Variants in FAM107A observed in about 807,000 individuals in gnomAD.
FAM107A encodes the protein actin-associated protein FAM107A.
FAM107A carries 19 observed loss-of-function variants against 13.7 expected under a neutral mutation model. That is an observed-to-expected ratio of 1.38 (90% CI 0.97 to 2.03). The LOEUF is 2.03. FAM107A is among the 30% of genes most tolerant of loss of function. FAM107A has a pLI of 0.00. For missense variants in FAM107A, 203 were observed against 184.4 expected (o/e 1.10, Z -0.58); for synonymous variants, 82 against 74.5 (o/e 1.10, Z -0.52).
At chr3:58,610,328 C>G (rs563232145) in intron 1 of FAM107A, among the ~76,000 whole-genome samples, 1 of 152,328 alleles carries the variant, frequency 6.6e-6, no homozygotes, top group East Asian at 1.9e-4. Context: ...CCAGGTTTGT[C>G]TCATGCCGGA....
At chr3:58,605,948 C>T (rs1214193482) in intron 1 of FAM107A, among the ~76,000 whole-genome samples, 1 of 152,238 alleles carries the variant, frequency 6.6e-6, no homozygotes, top group African/African-American at 2.4e-5. Flanking sequence ...GTCACTGTCA[C>T]TATCACCAAG....
At chr3:58,571,329 A>G (rs749127593) in intron 1 of FAM107A, among the ~76,000 whole-genome samples, 1 of 152,198 alleles carries the variant, frequency 6.6e-6, no homozygotes, top group Non-Finnish European at 1.5e-5. Flanking sequence ...AAAAGTGTTA[A>G]TTATTATAAG....
At position 58,605,730 on chromosome 3, in the gene FAM107A, T is replaced by C. The variant is rs572105831; in HGVS notation, c.-69-16461A>G. ...AGTCCAACTCGTAGTGAGACATCCT[T>C]ACCCCCTCTCTATAATCTTGGAATG... On this transcript the variant is annotated intron_variant, in intron 1 of 3. Transcript: ENST00000465970. Among the ~76,000 whole-genome samples the C allele has an allele frequency of 1.7e-4, 26 of 152,316 alleles. No individual in the cohort carries two copies. In the South Asian group the frequency reaches 5.0e-3, roughly 29 times the overall value.
At chr3:58,598,794 T>G (rs1465921361) in intron 1 of FAM107A, among the ~76,000 whole-genome samples, 1 of 152,218 alleles carries the variant, frequency 6.6e-6, no homozygotes, top group African/African-American at 2.4e-5. Context: ...CTCTGTGGTA[T>G]GTCTTGGAGA....
chr3:58,586,815 C>G (rs1345867754), intron 1 of FAM107A: 1 of 1,510,288 alleles, frequency 6.6e-7, no homozygotes, highest in Non-Finnish European at 8.8e-7. Context: ...CAGAGCCCTC[C>G]TCGCCCACTT....
chr3:58,591,412 G>A (rs1167019504), upstream of FAM107A, among the ~76,000 whole-genome samples: 1 of 152,152 alleles, frequency 6.6e-6, no homozygotes, highest in Non-Finnish European at 1.5e-5. The surrounding 1 kb of genome is among the most constrained non-coding windows in gnomAD (Gnocchi z 4.3). Flanking sequence ...GCATATTCAG[G>A]AGCAGCAAGG....
chr3:58,600,264 C>A (rs148454679), intron 1 of FAM107A, among the ~76,000 whole-genome samples: 2 of 152,238 alleles, frequency 1.3e-5, no homozygotes, highest in Non-Finnish European at 2.9e-5. Context: ...AGGGTAGGTA[C>A]TGTTTACCCC....
rs1328520391 is a variant in FAM107A at position 58,570,094 on chromosome 3, C to T, written c.-5-229G>A. On this transcript the variant is annotated intron_variant, in intron 1 of 3. Coordinates refer to ENST00000360997, the MANE Select transcript of FAM107A (RefSeq NM_001076778.3). ...CTGTCAGAATTGGAGATGATGTTTG[C>T]GATGTGTCTGGAGTATAGAAGTAAA... is the stretch of plus-strand genomic sequence containing the variant. Among the ~76,000 whole-genome samples, 6 of 152,216 alleles carry T rather than the reference C, an allele frequency of 3.9e-5. 1 individual carries two copies. The highest frequency in any genetic ancestry group is 1.9e-4 in the East Asian group (1 of 5,174).
At chr3:58,577,908 G>T, upstream of FAM107A, 1 of 174,494 alleles carries the variant, frequency 5.7e-6, no homozygotes, top group Non-Finnish European at 1.1e-5. The surrounding 1 kb of genome is among the most constrained non-coding windows in gnomAD (Gnocchi z 4.9). Flanking sequence ...CTGATACCTT[G>T]AATGTCATTG....
chr3:58,587,039 C>G (rs987938663), exon 1 of FAM107A: 1 of 1,375,338 alleles, frequency 7.3e-7, no homozygotes, highest in Non-Finnish European at 9.4e-7. Flanking sequence ...GACGCGGCCC[C>G]AAGTCCCAAA....
Position 58,627,228 on chromosome 3 carries a change from C to A in FAM107A, c.-70+188G>T, listed in dbSNP as rs993653198. The A allele has an allele frequency of 1.4e-5, 8 of 551,912 alleles. No homozygotes were observed. In the East Asian group the frequency reaches 2.0e-4, roughly 14 times the overall value. The allele number at this position is 551,912 out of a possible 1,614,324, so 34.2% of individuals were successfully genotyped here. On this transcript the variant is annotated intron_variant, in intron 1 of 3. Coordinates refer to the FAM107A transcript ENST00000465970. ...TGACAGAGGGGCCAGTGTCCCCAGG[C>A]GGCTTCTATGCCCTTCTTGGGTCCC...
intron 1 of FAM107A, among the ~76,000 whole-genome samples, chr3:58,614,829 A>G (rs2065886764): frequency 6.9e-6 from 1 of 144,258 alleles, no homozygotes; most frequent in East Asian, 2.1e-4. Flanking sequence ...AACTGTTATT[A>G]ACTCACTCTG....
At chr3:58,580,231 T>TC (rs1199494462), upstream of FAM107A, among the ~76,000 whole-genome samples, 1 of 152,192 alleles carries the variant, frequency 6.6e-6, no homozygotes, top group East Asian at 1.9e-4. Flanking sequence ...CTTTTTTTTT[T>TC]CAAGATAAAA....
At position 58,599,696 on chromosome 3, in the gene FAM107A, A is replaced by ATTTTTTTTTTTTTT. The variant is rs57244654; in HGVS notation, c.-69-10441_-69-10428dup. Among the ~76,000 whole-genome samples the ATTTTTTTTTTTTTT allele has an allele frequency of 1.9e-3, 151 of 78,574 alleles. 40 individuals carry two copies. Among genetic ancestry groups the ATTTTTTTTTTTTTT allele is most frequent in the Non-Finnish European group, 3.1e-3 (117 of 37,402 alleles). 51.5% of individuals were successfully genotyped at this position (78,574 alleles called of 152,430 possible). A position where few individuals can be genotyped will look rare whatever the true frequency, so the allele number is the denominator to read the frequency against. On this transcript the variant is annotated intron_variant, in intron 1 of 3. Transcript: ENST00000465970. The stretch of plus-strand genomic sequence containing the variant: ...GTGGTATACTTAAAACAAGTGCACC[A>ATTTTTTTTTTTTTT]TTTTTTTTTTTTTTTTTTTTTTTTT...
chr3:58,591,097 C>G (rs1018872409), upstream of FAM107A, among the ~76,000 whole-genome samples: 3 of 152,176 alleles, frequency 2.0e-5, no homozygotes, highest in Admixed American at 1.3e-4. The surrounding 1 kb of genome is among the most constrained non-coding windows in gnomAD (Gnocchi z 4.3). Flanking sequence ...GGCCTCTGTT[C>G]TTGCAGCGTT....
chr3:58,584,947 T>G (rs1197230769), intron 1 of FAM107A, among the ~76,000 whole-genome samples: 1 of 152,246 alleles, frequency 6.6e-6, no homozygotes, highest in Non-Finnish European at 1.5e-5. Flanking sequence ...ACTTCATTCT[T>G]TCCTTGCTTT....
upstream of FAM107A, chr3:58,587,118 G>A (rs1028485191): frequency 1.2e-5 from 16 of 1,371,350 alleles, no homozygotes; most frequent in South Asian, 2.3e-4. Context: ...GGGGAAGGAG[G>A]GGGGCAGGGG....
chr3:58,625,400 T>G (rs1033865665), intron 1 of FAM107A, among the ~76,000 whole-genome samples: 2 of 152,200 alleles, frequency 1.3e-5, no homozygotes, highest in Non-Finnish European at 2.9e-5. Flanking sequence ...TCTTTCTTGA[T>G]AAGAGATCAC....
intron 1 of FAM107A, among the ~76,000 whole-genome samples, chr3:58,605,490 T>C (rs934137345): frequency 1.3e-5 from 2 of 152,204 alleles, no homozygotes; most frequent in Non-Finnish European, 2.9e-5. Context: ...CATGTTCTGT[T>C]TGGGCTCCAT....
Sources: gnomAD v4.1 joint callset for allele counts (sites outside exome capture counted in the v4.1 genomes callset) on GRCh38, gnomAD v4.1.1 for gene constraint, Gnocchi (gnomAD v3.1) non-coding constraint, MANE v1.5 for transcripts, NCBI Gene and HGNC (gene_info 2026-07-23, HGNC 2026-07-21) for gene names.